Variants in EHBP1 observed in about 807,000 individuals in gnomAD.
EHBP1 encodes EH domain-binding protein 1.
In EHBP1, 55 loss-of-function variants were observed where a neutral mutation model predicts 144.0. The observed-to-expected ratio is 0.38, with a 90% CI of 0.31 to 0.48. The LOEUF is 0.48. EHBP1 is among the 20% of genes least tolerant of loss of function. The pLI is 0.98. For synonymous variants in EHBP1, 469 were observed against 472.7 expected (o/e 0.99, Z 0.10); for missense variants, 1,200 against 1,364.2 (o/e 0.88, Z 1.90).
intron 1 of EHBP1, among the ~76,000 whole-genome samples, chr2:62,694,548 G>T (rs2034016536): frequency 6.6e-6 from 1 of 150,912 alleles, no homozygotes; most frequent in Non-Finnish European, 1.5e-5. Context: ...GATAATAATG[G>T]AAACAACTGT....
chr2:63,043,299 T>C (rs1461715868), intron 21 of EHBP1, among the ~76,000 whole-genome samples: 1 of 152,208 alleles, frequency 6.6e-6, no homozygotes, highest in Non-Finnish European at 1.5e-5. Flanking sequence ...TTGCTGTTTA[T>C]TATTTTTTAA....
intron 10 of EHBP1, among the ~76,000 whole-genome samples, chr2:62,909,095 C>T (rs767764413): frequency 5.3e-5 from 8 of 152,166 alleles, no homozygotes; most frequent in Non-Finnish European, 1.0e-4. Context: ...TAGATTTAGG[C>T]GTGCAAGTAC....
At chr2:62,901,565 A>G (rs1030091280) in intron 10 of EHBP1, among the ~76,000 whole-genome samples, 1 of 152,120 alleles carries the variant, frequency 6.6e-6, no homozygotes, top group Non-Finnish European at 1.5e-5. Context: ...AAAAAAAGGG[A>G]GGCTGCATTT....
At chr2:62,767,938 G>A (rs1367067884) in intron 4 of EHBP1, among the ~76,000 whole-genome samples, 1 of 151,514 alleles carries the variant, frequency 6.6e-6, no homozygotes, top group East Asian at 1.9e-4. Flanking sequence ...GGTAAATAAT[G>A]AAATTAAGGC....
At position 62,963,605 on chromosome 2, in the gene EHBP1, C is replaced by T. The variant is rs922391857; in HGVS notation, c.2460+7945C>T. 2.0e-5 allele frequency among the ~76,000 whole-genome samples: 3 copies of T among 152,212 alleles called. No individual in the cohort carries two copies. In the South Asian group the frequency reaches 6.2e-4, roughly 32 times the overall value. On this transcript the variant is annotated intron_variant, in intron 14 of 22. Coordinates refer to ENST00000431489, the MANE Select transcript of EHBP1 (RefSeq NM_001142616.3). The stretch of plus-strand genomic sequence containing the variant: ...TAAAATTAAGTTCAAGTTAAAATTT[C>T]GTATTTTTCCTAATTACACATATTA...
rs116876712 is a variant in EHBP1, at chr2:62,921,296, A to G, written c.1186-21422A>G. 8.4e-3 allele frequency among the ~76,000 whole-genome samples: 1,281 copies of G among 152,032 alleles called. 52 individuals carry two copies. The highest frequency in any genetic ancestry group is 0.067 in the Admixed American group (1,016 of 15,252). On this transcript the variant is annotated intron_variant, in intron 10 of 22. Coordinates refer to ENST00000431489, the MANE Select transcript of EHBP1 (RefSeq NM_001142616.3). Reference sequence around the variant, plus strand: ...CCCCATCTTTACAAAAAATACAAAAATTTGTCAGGCATGGTGCATGTGCCT... The same window carrying G: ...CCCCATCTTTACAAAAAATACAAAAGTTTGTCAGGCATGGTGCATGTGCCT...
chr2:62,808,053 TA>T (rs748262301), intron 5 of EHBP1, among the ~76,000 whole-genome samples: 689 of 137,598 alleles, frequency 5.0e-3, no homozygotes, highest in East Asian at 8.9e-3. Context: ...ACCCTATCTC[TA>T]AAAAAAAAAA....
chr2:62,901,233 A>G (rs953082761), intron 10 of EHBP1, among the ~76,000 whole-genome samples: 1 of 152,180 alleles, frequency 6.6e-6, no homozygotes, highest in African/African-American at 2.4e-5. Flanking sequence ...TCTTCACCTC[A>G]TAAATCTTTC....
intron 5 of EHBP1, among the ~76,000 whole-genome samples, chr2:62,789,902 C>G (rs1322638200): frequency 6.6e-6 from 1 of 152,192 alleles, no homozygotes; most frequent in Non-Finnish European, 1.5e-5. Context: ...CTTTCTGATG[C>G]CAGTTACCTA....
chr2:62,858,249 A>G (rs1051451040), intron 7 of EHBP1: 9 of 456,026 alleles, frequency 2.0e-5, no homozygotes, highest in Non-Finnish European at 2.0e-5. Context: ...TCAGTTAAGC[A>G]TATCTGTTAT....
intron 14 of EHBP1, among the ~76,000 whole-genome samples, chr2:62,971,250 A>C (rs1392455278): frequency 6.6e-6 from 1 of 152,214 alleles, no homozygotes; most frequent in Non-Finnish European, 1.5e-5. Flanking sequence ...GCACCATAAC[A>C]GGACTTTTGC....
At chr2:62,735,217 A>T (rs1181849542) in intron 2 of EHBP1, among the ~76,000 whole-genome samples, 2 of 151,928 alleles carry the variant, frequency 1.3e-5, no homozygotes, top group East Asian at 3.9e-4. Context: ...TTAATTGAGC[A>T]TTTTATATGA....
chr2:62,835,212 T>A (rs1009895641), intron 7 of EHBP1, among the ~76,000 whole-genome samples: 12 of 152,202 alleles, frequency 7.9e-5, no homozygotes, highest in African/African-American at 2.7e-4. Flanking sequence ...TTGATTTAAC[T>A]TTATAAGCTT....
rs146190328 is a variant in EHBP1, at chr2:62,946,082, A to C, written c.1414-2178A>C. On this transcript the variant is annotated intron_variant, in intron 12 of 22. Transcript: ENST00000431489. ...TTACATTTGAACAAAGTGGTAAGCC[A>C]ATTTAAATACAGACATGAGCATTAT... is the stretch of plus-strand genomic sequence containing the variant. Among the ~76,000 whole-genome samples the C allele has an allele frequency of 1.8e-3, 281 of 152,344 alleles. 2 individuals carry two copies. The highest frequency in any genetic ancestry group is 6.4e-3 in the African/African-American group (265 of 41,586).
chr2:62,722,686 ACTTGACACTTCTTAAGTGTCAATTCAC>A (rs1277467266), intron 2 of EHBP1, among the ~76,000 whole-genome samples: 6 of 152,312 alleles, frequency 3.9e-5, no homozygotes, highest in East Asian at 1.9e-4. Flanking sequence ...TTGTTTTGAC[ACTTGACACTTCTTAAGTGTCAATTCAC>A]CTTGACACTT....
intron 2 of EHBP1, among the ~76,000 whole-genome samples, chr2:62,710,397 TGTG>T (rs2035033147): frequency 6.6e-6 from 1 of 151,872 alleles, no homozygotes; most frequent in Non-Finnish European, 1.5e-5. Context: ...AATTCTTAGT[TGTG>T]GTGGGAGGAC....
intron 10 of EHBP1, among the ~76,000 whole-genome samples, chr2:62,912,028 G>A (rs2054259437): frequency 6.6e-6 from 1 of 152,058 alleles, no homozygotes; most frequent in African/African-American, 2.4e-5. Context: ...ATGGCACCTA[G>A]ATTCTTTAAT....
At chr2:62,979,115 CATG>C (rs2058843273) in intron 14 of EHBP1, 70 bp from the exon 15 acceptor site, 1 of 1,493,700 alleles carries the variant, frequency 6.7e-7, no homozygotes, top group Non-Finnish European at 9.1e-7. Context: ...CAGTTACTAT[CATG>C]ATGATCAGAT....
chr2:62,791,443 C>T (rs990379709), intron 5 of EHBP1, among the ~76,000 whole-genome samples: 31 of 152,102 alleles, frequency 2.0e-4, no homozygotes, highest in African/African-American at 7.5e-4. Context: ...TCATGTGCTG[C>T]ATATACTAGC....
Sources: gnomAD v4.1 joint callset for allele counts (sites outside exome capture counted in the v4.1 genomes callset) on GRCh38, gnomAD v4.1.1 for gene constraint, MANE v1.5 for transcripts, NCBI Gene and HGNC (gene_info 2026-07-23, HGNC 2026-07-21) for gene names.